PPIP5K2: variants seen among roughly 807,000 people sequenced by gnomAD.
The protein encoded by PPIP5K2 is diphosphoinositol pentakisphosphate kinase 2.
A neutral mutation model predicts 154.6 loss-of-function variants in PPIP5K2; 105 were observed. That is an observed-to-expected ratio of 0.68 (90% CI 0.58 to 0.80). The LOEUF (loss-of-function observed/expected upper bound fraction) is 0.80. PPIP5K2 is among the 30% of genes least tolerant of loss of function. The pLI is 0.00. For missense variants in PPIP5K2, 992 were observed against 1,504.6 expected (o/e 0.66, Z 5.64); for synonymous variants, 480 against 490.3 (o/e 0.98, Z 0.28).
At chr5:103,155,350 A>C (rs1205713118) in intron 13 of PPIP5K2, among the ~76,000 whole-genome samples, 1 of 147,234 alleles carries the variant, frequency 6.8e-6, no homozygotes, top group Non-Finnish European at 1.5e-5. Context: ...TTTATTTCTT[A>C]AAACACATAC....
intron 17 of PPIP5K2, among the ~76,000 whole-genome samples, chr5:103,162,018 A>G (rs1198450371): frequency 6.6e-6 from 1 of 152,104 alleles, no homozygotes; most frequent in Non-Finnish European, 1.5e-5. Flanking sequence ...TTCTAATGCT[A>G]TTGAGCTAAT....
intron 21 of PPIP5K2, 34 bp downstream of exon 21, chr5:103,174,006 A>G (rs772166826): frequency 1.5e-5 from 21 of 1,425,556 alleles, no homozygotes; most frequent in Non-Finnish European, 2.0e-5. Flanking sequence ...TCTAACAAAT[A>G]TATTTAATTT....
rs1389125426 is a variant in PPIP5K2 at position 103,186,523 on chromosome 5, G to A, written c.3289+84G>A. 4 of 1,557,666 alleles carry A rather than the reference G, an allele frequency of 2.6e-6. No homozygotes were observed. The African/African-American group carries it at 5.4e-5, about 21-fold the overall frequency. ...AGTATTTCTCAAAGGCAAATCTAAG[G>A]CCACTGACTGATTCGAGTGAAATCC... is the stretch of plus-strand genomic sequence containing the variant. On this transcript the variant is annotated intron_variant, in intron 27 of 30. Coordinates refer to ENST00000358359, the MANE Select transcript of PPIP5K2 (RefSeq NM_001276277.3).
intron 24 of PPIP5K2, among the ~76,000 whole-genome samples, chr5:103,181,525 C>A (rs1251316569): frequency 5.3e-5 from 8 of 151,680 alleles, no homozygotes; most frequent in Non-Finnish European, 1.0e-4. Context: ...CCGAGACCAC[C>A]CCCCTGACTG....
At chr5:103,166,828 A>G (rs1182949271) in intron 17 of PPIP5K2, among the ~76,000 whole-genome samples, 1 of 151,984 alleles carries the variant, frequency 6.6e-6, no homozygotes, top group African/African-American at 2.4e-5. Context: ...CTTAAGGGGA[A>G]ATAGATCATC....
At chr5:103,190,552 T>A (rs1554226568) in intron 28 of PPIP5K2, among the ~76,000 whole-genome samples, 1 of 152,004 alleles carries the variant, frequency 6.6e-6, no homozygotes, top group Non-Finnish European at 1.5e-5. Context: ...TCTTTGTTTT[T>A]TTTTCCCTAG....
At chr5:103,144,707 T>C (rs1341678233) in intron 5 of PPIP5K2, among the ~76,000 whole-genome samples, 1 of 152,176 alleles carries the variant, frequency 6.6e-6, no homozygotes, top group East Asian at 1.9e-4. Context: ...TTGGGAAAAC[T>C]TGATATCTAT....
rs1798327739 is a variant in PPIP5K2, at chr5:103,173,864, T to C, written c.2421T>C (p.Ser807=). Residue 807 remains serine, a synonymous_variant, in exon 21 of 31, where the codon TCT becomes TCC. Coordinates refer to ENST00000358359, the MANE Select transcript of PPIP5K2 (RefSeq NM_001276277.3). ...TGTCTGCTTCTAATTTTAGGTATTC[T>C]AGAGGTGTTCTGTCTCCTGAACGTC... The part of the protein sequence containing the change: ...DTVNKLHPVY[S]RGVLSPERHV... 6.3e-7 allele frequency: 1 copy of C among 1,575,802 alleles called. No individual in the cohort carries two copies. The highest frequency in any genetic ancestry group is 8.7e-7 in the Non-Finnish European group (1 of 1,146,784).
chr5:103,205,322 A>G lies in PPIP5K2; in HGVS notation c.*3688A>G, dbSNP rs566427224. 6.6e-6 allele frequency: 1 copy of G among 152,274 alleles called. No homozygotes were observed. The highest frequency in any genetic ancestry group is 6.5e-5 in the Admixed American group (1 of 15,280). 9.4% of individuals were successfully genotyped at this position (152,274 alleles called of 1,614,324 possible). Reference sequence around the variant, plus strand: ...TAAACATACGTGTGCATGTGTCTTTATAGTGGCATGATTTATAATCCTTTG... The same window carrying G: ...TAAACATACGTGTGCATGTGTCTTTGTAGTGGCATGATTTATAATCCTTTG... On this transcript the variant is annotated 3_prime_UTR_variant, in exon 31 of 31. Transcript: ENST00000358359.
At chr5:103,171,190 T>A (rs1395261735) in intron 19 of PPIP5K2, among the ~76,000 whole-genome samples, 1 of 151,562 alleles carries the variant, frequency 6.6e-6, no homozygotes, top group East Asian at 1.9e-4. Flanking sequence ...TAGAATCAAA[T>A]TTTCACTTTT....
intron 28 of PPIP5K2, 124 bp downstream of exon 28, chr5:103,187,500 C>A: frequency 1.4e-6 from 1 of 718,598 alleles, no homozygotes; most frequent in Non-Finnish European, 2.2e-6. Flanking sequence ...AATTGGCGTA[C>A]AATTCCAACT....
At chr5:103,186,587 T>C (rs1800424911) in intron 27 of PPIP5K2, 148 bp downstream of exon 27, 2 of 1,066,206 alleles carry the variant, frequency 1.9e-6, no homozygotes, top group Non-Finnish European at 2.7e-6. Flanking sequence ...TGCTCTCTGT[T>C]ATCTACAACT....
intron 2 of PPIP5K2, among the ~76,000 whole-genome samples, chr5:103,133,201 A>G (rs1562372581): frequency 6.6e-6 from 1 of 152,192 alleles, no homozygotes; most frequent in Non-Finnish European, 1.5e-5. Flanking sequence ...TTGAAATTTC[A>G]TTGAAAATAG....
intron 23 of PPIP5K2, among the ~76,000 whole-genome samples, chr5:103,178,833 A>G (rs1799101220): frequency 6.6e-6 from 1 of 151,720 alleles, no homozygotes; most frequent in African/African-American, 2.4e-5. Flanking sequence ...ATTGTTTTAC[A>G]CCATCTTTGT....
chr5:103,145,310 A>C (rs1793578212), intron 5 of PPIP5K2, among the ~76,000 whole-genome samples: 1 of 152,144 alleles, frequency 6.6e-6, no homozygotes, highest in Non-Finnish European at 1.5e-5. Flanking sequence ...AATGTGAATT[A>C]GTAAAGCCAC....
chr5:103,167,283 T>C lies in PPIP5K2; in HGVS notation c.2025T>C (p.Ser675=). The C allele has an allele frequency of 1.3e-6, 2 of 1,589,430 alleles. No homozygotes were observed. Among genetic ancestry groups the C allele is most frequent in the South Asian group, 2.3e-5 (2 of 86,390 alleles). ...KVYSLIQSLT[S]QIRHRMEDPK... ...ATTCCTTAATTCAGAGTTTGACTTC[T>C]CAAATCAGACATCGAATGGAAGATC... Residue 675 remains serine (S), a synonymous_variant, in exon 18 of 31, where the codon TCT becomes TCC. Coordinates refer to ENST00000358359, the MANE Select transcript of PPIP5K2 (RefSeq NM_001276277.3).
chr5:103,163,426 T>C (rs192370055), intron 17 of PPIP5K2, among the ~76,000 whole-genome samples: 1 of 152,040 alleles, frequency 6.6e-6, no homozygotes, highest in East Asian at 1.9e-4. Context: ...TTTTAAAATA[T>C]TGAGATTATA....
chr5:103,126,334 T>A (rs1276268111), intron 1 of PPIP5K2, among the ~76,000 whole-genome samples: 1 of 151,972 alleles, frequency 6.6e-6, no homozygotes, highest in African/African-American at 2.4e-5. Context: ...TTGAATAAGT[T>A]AACAAAAGGG....
chr5:103,142,220 G>A (rs1234402489), intron 5 of PPIP5K2, among the ~76,000 whole-genome samples: 3 of 152,162 alleles, frequency 2.0e-5, no homozygotes, highest in Admixed American at 1.3e-4. Flanking sequence ...CCAGCGCAGC[G>A]CCGGTGGGCT....
Sources: gnomAD v4.1 joint callset for allele counts (sites outside exome capture counted in the v4.1 genomes callset) on GRCh38, gnomAD v4.1.1 for gene constraint, MANE v1.5 for transcripts, NCBI Gene and HGNC (gene_info 2026-07-23, HGNC 2026-07-21) for gene names.